The following ZNRF2 variants were observed in gnomAD, a reference collection of about 807,000 sequenced individuals.
The protein encoded by ZNRF2 is zinc and ring finger 2.
Under a neutral mutation model 20.4 loss-of-function variants are expected in ZNRF2, and 16 were observed. The ratio of observed to expected loss-of-function variants is 0.79; its 90% CI spans 0.53 to 1.19. The LOEUF (loss-of-function observed/expected upper bound fraction) is 1.19, where lower values mean the gene tolerates loss of function less well. ZNRF2 is among the 50% of genes most tolerant of loss of function. The probability of loss-of-function intolerance (pLI) is 0.00; values close to 1 mark genes in which losing one functional copy is unlikely to be tolerated. For missense variants in ZNRF2, 363 were observed against 332.4 expected (o/e 1.09, Z -0.72); for synonymous variants, 178 against 144.9 (o/e 1.23, Z -1.64).
At chr7:30,357,382 G>A (rs1368258583) in intron 3 of ZNRF2, among the ~76,000 whole-genome samples, 1 of 152,080 alleles carries the variant, frequency 6.6e-6, no homozygotes, top group East Asian at 1.9e-4. Flanking sequence ...TGAGTAACTT[G>A]TGGATCAAAG....
chr7:30,312,229 C>T (rs1411022892), intron 1 of ZNRF2, among the ~76,000 whole-genome samples: 1 of 152,102 alleles, frequency 6.6e-6, no homozygotes, highest in African/African-American at 2.4e-5. Context: ...AGTCCTCCCT[C>T]CTTGGTCTCT....
chr7:30,337,004 T>G (rs1316495121), intron 2 of ZNRF2, among the ~76,000 whole-genome samples: 1 of 152,222 alleles, frequency 6.6e-6, no homozygotes, highest in Non-Finnish European at 1.5e-5. Flanking sequence ...CTGTTTGATC[T>G]ACATAGTCTG....
chr7:30,343,729 T>C (rs1408468559), intron 2 of ZNRF2, among the ~76,000 whole-genome samples: 2 of 152,022 alleles, frequency 1.3e-5, no homozygotes, highest in East Asian at 1.9e-4. Context: ...TTGTTTCTTA[T>C]ATGCTTTTTG....
At chr7:30,306,611 A>G (rs990723536) in intron 1 of ZNRF2, among the ~76,000 whole-genome samples, 3 of 152,182 alleles carry the variant, frequency 2.0e-5, no homozygotes, top group Non-Finnish European at 4.4e-5. Context: ...GTGTACATAC[A>G]TTATGGATAA....
At chr7:30,307,335 T>TC (rs1462593524) in intron 1 of ZNRF2, among the ~76,000 whole-genome samples, 1 of 134,438 alleles carries the variant, frequency 7.4e-6, no homozygotes, top group Non-Finnish European at 1.6e-5. Context: ...TGTTTTTTTT[T>TC]TTTTTTTTTT....
intron 2 of ZNRF2, among the ~76,000 whole-genome samples, chr7:30,343,057 G>A (rs1434301882): frequency 6.6e-6 from 1 of 151,998 alleles, no homozygotes; most frequent in East Asian, 1.9e-4. Context: ...AATTTAAAAG[G>A]TCCTTTGGGA....
intron 1 of ZNRF2, among the ~76,000 whole-genome samples, chr7:30,293,413 T>C (rs1409875447): frequency 6.6e-6 from 1 of 152,104 alleles, no homozygotes; most frequent in Non-Finnish European, 1.5e-5. Context: ...CATGCCTCAC[T>C]AATTTTTGTA....
At chr7:30,331,077 A>T (rs117296811) in intron 2 of ZNRF2, among the ~76,000 whole-genome samples, 24 of 152,330 alleles carry the variant, frequency 1.6e-4, no homozygotes, top group African/African-American at 5.1e-4. Context: ...GGAAATGTCA[A>T]ATCTCTTCTA....
chr7:30,350,146 G>A (rs1009785425), intron 2 of ZNRF2, among the ~76,000 whole-genome samples: 1 of 151,992 alleles, frequency 6.6e-6, no homozygotes, highest in Non-Finnish European at 1.5e-5. Flanking sequence ...GCTATGTCTA[G>A]GTGTGGAATT....
chr7:30,285,207 C>G lies in ZNRF2; in HGVS notation c.-151C>G, dbSNP rs1324491551. 7.7e-6 allele frequency: 4 copies of G among 516,276 alleles called. No individual in the cohort carries two copies. In the East Asian group the frequency reaches 5.0e-4, roughly 64 times the overall value. 32.0% of individuals were successfully genotyped at this position (516,276 alleles called of 1,614,324 possible). A position where few individuals can be genotyped will look rare whatever the true frequency, so the allele number is the denominator to read the frequency against. ...GAAGAGCGCGCCGGGCGCCGACTGC[C>G]CCTCTGGACGCCGGGCGGCGGCCCT... On this transcript the variant is annotated 5_prime_UTR_variant, in exon 1 of 5. Transcript: ENST00000323037.
intron 2 of ZNRF2, among the ~76,000 whole-genome samples, chr7:30,342,727 A>G (rs1209163738): frequency 6.6e-6 from 1 of 152,020 alleles, no homozygotes; most frequent in Non-Finnish European, 1.5e-5. Flanking sequence ...CTTGTTTTTC[A>G]GCAGAAGTAT....
In ZNRF2 at chr7:30,365,197, A is replaced by C. The variant is rs77186202; in HGVS notation, c.*23-838A>C. Among the ~76,000 whole-genome samples the C allele has an allele frequency of 6.5e-3, 829 of 127,636 alleles. 11 individuals are homozygous for C. Among genetic ancestry groups the C allele is most frequent in the African/African-American group, 0.022 (760 of 33,800 alleles). The allele number at this position is 127,636 out of a possible 152,430, so 83.7% of individuals were successfully genotyped here. On this transcript the variant is annotated intron_variant, in intron 4 of 4. Transcript: ENST00000323037. The stretch of plus-strand genomic sequence containing the variant: ...TGGTGAGGTGGAATTATATTGTATA[A>C]ATTTTTTTTCTTTCATCAGCTAAAT...
At chr7:30,305,593 A>G (rs1208764288) in intron 1 of ZNRF2, among the ~76,000 whole-genome samples, 1 of 151,870 alleles carries the variant, frequency 6.6e-6, no homozygotes, top group Non-Finnish European at 1.5e-5. Flanking sequence ...CATTTCTTGA[A>G]CTCATTTTAG....
chr7:30,359,983 A>G (rs764573358), intron 3 of ZNRF2, among the ~76,000 whole-genome samples: 1 of 152,206 alleles, frequency 6.6e-6, no homozygotes, highest in Non-Finnish European at 1.5e-5. Flanking sequence ...GTTAATTCAG[A>G]AAAAAGGACC....
chr7:30,293,859 A>G (rs946995401), intron 1 of ZNRF2, among the ~76,000 whole-genome samples: 5 of 152,350 alleles, frequency 3.3e-5, no homozygotes, highest in East Asian at 1.9e-4. Flanking sequence ...TTTGAATTTC[A>G]TAAGTTCCGA....
chr7:30,350,434 A>G (rs1458870122), intron 2 of ZNRF2, among the ~76,000 whole-genome samples: 1 of 152,058 alleles, frequency 6.6e-6, no homozygotes, highest in Non-Finnish European at 1.5e-5. Flanking sequence ...AGGCATTGAA[A>G]AAGTAATTTT....
intron 1 of ZNRF2, among the ~76,000 whole-genome samples, chr7:30,305,119 C>T (rs1416803385): frequency 6.6e-6 from 1 of 152,126 alleles, no homozygotes; most frequent in Non-Finnish European, 1.5e-5. Flanking sequence ...CTTTCCTATT[C>T]TGTGTTCAAT....
intron 4 of ZNRF2, among the ~76,000 whole-genome samples, chr7:30,364,407 A>AATTGAGGAGTTTGAGACTAATTG: frequency 6.6e-6 from 1 of 152,226 alleles, no homozygotes; most frequent in South Asian, 2.1e-4. Context: ...TGCTTGAGAT[A>AATTGAGGAGTTTGAGACTAATTG]AGGAGTTTGA....
intron 2 of ZNRF2, among the ~76,000 whole-genome samples, chr7:30,347,376 C>A (rs917802999): frequency 9.2e-5 from 14 of 152,154 alleles, no homozygotes; most frequent in African/African-American, 3.1e-4. Flanking sequence ...CCAACTCTGG[C>A]TTCTTTCTGG....
Sources: gnomAD v4.1 joint callset for allele counts (sites outside exome capture counted in the v4.1 genomes callset) on GRCh38, gnomAD v4.1.1 for gene constraint, MANE v1.5 for transcripts, NCBI Gene and HGNC (gene_info 2026-07-23, HGNC 2026-07-21) for gene names.